SORCS3: variants seen among roughly 807,000 people sequenced by gnomAD.
The protein encoded by SORCS3 is VPS10 domain-containing receptor SorCS3.
SORCS3 carries 57 observed loss-of-function variants against 146.3 expected under a neutral mutation model. The ratio of observed to expected loss-of-function variants is 0.39; its 90% CI spans 0.31 to 0.49. SORCS3 has a LOEUF of 0.49. Ranked by LOEUF, SORCS3 falls within the 20% of genes least tolerant of loss-of-function variation. The pLI is 0.92. For missense variants in SORCS3, 1,341 were observed against 1,575.5 expected, an observed-to-expected ratio of 0.85 and a Z score of 2.52; for synonymous variants, 653 against 618.5, an observed-to-expected ratio of 1.06 and a Z score of -0.83.
At chr10:104,832,253 A>C (rs569338368) in intron 1 of SORCS3, among the ~76,000 whole-genome samples, 1 of 152,338 alleles carries the variant, frequency 6.6e-6, no homozygotes, top group South Asian at 2.1e-4. Flanking sequence ...TAATAATAAT[A>C]GGTTTCAGAC....
At chr10:105,158,250 G>C (rs697193) in intron 10 of SORCS3, among the ~76,000 whole-genome samples, 1 of 151,446 alleles carries the variant, frequency 6.6e-6, no homozygotes, top group Non-Finnish European at 1.5e-5. Context: ...ATTTGTATTT[G>C]TTGTACAGAA....
rs765694401 is a variant in SORCS3 at position 105,105,462 on chromosome 10, C to T, written c.1159C>T (p.Arg387Cys). The stretch of plus-strand genomic sequence containing the variant: ...GACAACTAGAAGTGGGCCTTTTGCC[C>T]GCTCCATTGACATCAGTTCCCTGGT... ...AETTRSGPFA[R>C]SIDISSLVVQ... The change falls in exon 7 of 27, where the codon CGC becomes TGC. Residue 387 changes from arginine (R) to cysteine (C), a missense_variant. Coordinates refer to ENST00000369701, the MANE Select transcript of SORCS3 (RefSeq NM_014978.3). 37 of 1,613,580 alleles carry T rather than the reference C, an allele frequency of 2.3e-5. No individual in the cohort carries two copies. Among genetic ancestry groups the T allele is most frequent in the Admixed American group, 3.3e-5 (2 of 59,976 alleles).
chr10:104,746,874 A>G (rs1232541887), intron 1 of SORCS3, among the ~76,000 whole-genome samples: 1 of 152,250 alleles, frequency 6.6e-6, no homozygotes, highest in Non-Finnish European at 1.5e-5. Flanking sequence ...GGATATTCAT[A>G]TGTATTGACA....
At chr10:105,017,337 A>G (rs2055174436) in intron 4 of SORCS3, among the ~76,000 whole-genome samples, 1 of 152,198 alleles carries the variant, frequency 6.6e-6, no homozygotes, top group Admixed American at 6.5e-5. Flanking sequence ...CAGTGAAAGA[A>G]TAGGAAGGTG....
Position 105,215,503 on chromosome 10 carries a change from A to G in SORCS3, c.2547+890A>G, listed in dbSNP as rs142683886. On this transcript the variant is annotated intron_variant, in intron 18 of 26. Transcript: ENST00000369701. The stretch of plus-strand genomic sequence containing the variant: ...TGAAGGTTCCTTATCCTGGGTTGAC[A>G]GATTTCTCAGCCTTCACTCACAGCA... 2.4e-3 allele frequency among the ~76,000 whole-genome samples: 367 copies of G among 152,292 alleles called. 1 individual carries two copies. The highest frequency in any genetic ancestry group is 8.5e-3 in the African/African-American group (353 of 41,556).
intron 20 of SORCS3, among the ~76,000 whole-genome samples, chr10:105,240,835 C>T (rs2056817628): frequency 1.3e-5 from 2 of 152,160 alleles, no homozygotes; most frequent in Admixed American, 1.3e-4. Context: ...CCAGTCCAGT[C>T]TCCAGAACCA....
At chr10:105,139,536 G>C in intron 8 of SORCS3, 50 bp downstream of exon 8, 1 of 1,429,566 alleles carries the variant, frequency 7.0e-7, no homozygotes, top group Admixed American at 1.7e-5. Flanking sequence ...CAAAGGGAGG[G>C]TTGGAGAGGC....
At chr10:105,198,820 A>G (rs1309412117) in intron 14 of SORCS3, among the ~76,000 whole-genome samples, 1 of 152,174 alleles carries the variant, frequency 6.6e-6, no homozygotes, top group Admixed American at 6.5e-5. Context: ...TAAGCCTCTT[A>G]AAGGTTTTAT....
intron 1 of SORCS3, among the ~76,000 whole-genome samples, chr10:104,709,022 G>A (rs905029758): frequency 3.3e-5 from 5 of 152,180 alleles, no homozygotes; most frequent in African/African-American, 1.2e-4. Flanking sequence ...TTGGCCACCT[G>A]GCCCATCTCC....
intron 2 of SORCS3, among the ~76,000 whole-genome samples, chr10:104,913,058 C>T (rs1275995231): frequency 6.6e-6 from 1 of 152,032 alleles, no homozygotes; most frequent in Non-Finnish European, 1.5e-5. Flanking sequence ...AGAGAAAGGG[C>T]CAGAGGAGCA....
chr10:105,242,815 ATTTTTATATATAAATTATATATATAT>A (rs1212373709), intron 20 of SORCS3, among the ~76,000 whole-genome samples: 6 of 63,174 alleles, frequency 9.5e-5, no homozygotes, highest in South Asian at 5.6e-4. Context: ...ATTTATATAT[ATTTTTATATATAAATTATATATATAT>A]TTTTATATAT....
intron 1 of SORCS3, among the ~76,000 whole-genome samples, chr10:104,679,812 C>T (rs992798348): frequency 1.3e-5 from 2 of 152,068 alleles, no homozygotes; most frequent in African/African-American, 2.4e-5. Flanking sequence ...AATAATTATT[C>T]AATTTTATAT....
chr10:105,023,729 A>G (rs1039515504), intron 4 of SORCS3, among the ~76,000 whole-genome samples: 4 of 152,054 alleles, frequency 2.6e-5, no homozygotes, highest in Non-Finnish European at 5.9e-5. Context: ...TGATGGGTCC[A>G]ATAGAAACTT....
At chr10:104,885,309 C>T (rs1173776844) in intron 2 of SORCS3, among the ~76,000 whole-genome samples, 2 of 152,144 alleles carry the variant, frequency 1.3e-5, no homozygotes, top group Non-Finnish European at 2.9e-5. Flanking sequence ...ATCTCAAGGA[C>T]AGCAGATTTT....
intron 5 of SORCS3, among the ~76,000 whole-genome samples, chr10:105,053,989 C>T (rs1291166959): frequency 6.6e-6 from 1 of 151,938 alleles, no homozygotes; most frequent in African/African-American, 2.4e-5. Context: ...TTCACTATAC[C>T]ACATAAAAAT....
rs868817754 is a variant in SORCS3 at position 105,052,314 on chromosome 10, G to A, written c.1028+9186G>A. Among the ~76,000 whole-genome samples the A allele has an allele frequency of 5.9e-5, 9 of 151,726 alleles. No homozygotes were observed. The Middle Eastern group carries it at 0.01, about 173-fold the overall frequency. The stretch of plus-strand genomic sequence containing the variant: ...TTCCATAGTGCACATGGCAACACCG[G>A]AAACACTGTTGTTTTCTCTTTCTCT... On this transcript the variant is annotated intron_variant, in intron 5 of 26. Transcript: ENST00000369701.
At chr10:104,919,999 G>A (rs947292477) in intron 3 of SORCS3, among the ~76,000 whole-genome samples, 6 of 152,126 alleles carry the variant, frequency 3.9e-5, no homozygotes, top group Non-Finnish European at 7.4e-5. Flanking sequence ...ACACAACTTC[G>A]TTTTTAAGTT....
intron 1 of SORCS3, among the ~76,000 whole-genome samples, chr10:104,789,438 T>G (rs56161964): frequency 0.02 from 3,066 of 152,224 alleles, 105 homozygotes; most frequent in African/African-American, 0.07. Flanking sequence ...GTCTCCTGTT[T>G]TGGACATCAG....
intron 3 of SORCS3, among the ~76,000 whole-genome samples, chr10:104,961,279 T>A (rs2054793786): frequency 6.6e-6 from 1 of 152,306 alleles, no homozygotes; most frequent in African/African-American, 2.4e-5. Context: ...TGGTTATGTA[T>A]CTATGCCTGT....
Sources: gnomAD v4.1 joint callset for allele counts (sites outside exome capture counted in the v4.1 genomes callset) on GRCh38, gnomAD v4.1.1 for gene constraint, MANE v1.5 for transcripts, NCBI Gene and HGNC (gene_info 2026-07-23, HGNC 2026-07-21) for gene names.